GABRB1: variants seen among roughly 807,000 people sequenced by gnomAD.
GABRB1 encodes gamma-aminobutyric acid receptor subunit beta-1.
In GABRB1, 17 loss-of-function variants were observed where a neutral mutation model predicts 51.6. That is an observed-to-expected ratio of 0.33 (90% CI 0.23 to 0.49). The LOEUF (loss-of-function observed/expected upper bound fraction) is 0.49. Among genes scored for constraint, GABRB1 ranks in the 20% least tolerant of loss-of-function variants. The pLI is 0.99. For synonymous variants in GABRB1, 247 were observed against 218.9 expected (o/e 1.13, Z -1.14); for missense variants, 410 against 600.6 (o/e 0.68, Z 3.32).
In GABRB1 at chr4:47,321,044, T is replaced by G. The variant is rs1308837631; in HGVS notation, c.544+835T>G. 2.0e-5 allele frequency among the ~76,000 whole-genome samples: 3 copies of G among 152,224 alleles called. No homozygotes were observed. In the East Asian group the frequency reaches 5.8e-4, roughly 29 times the overall value. On this transcript the variant is annotated intron_variant, in intron 5 of 8. Coordinates refer to ENST00000295454, the MANE Select transcript of GABRB1 (RefSeq NM_000812.4). ...GAAGATTTAGTCTGATTGACTATCT[T>G]TTTGTGATTATTTCTCAGCCATCAG...
intron 5 of GABRB1, among the ~76,000 whole-genome samples, chr4:47,327,384 T>C (rs574768500): frequency 6.6e-6 from 1 of 151,898 alleles, no homozygotes; most frequent in Admixed American, 6.5e-5. Context: ...AAAAAAACTA[T>C]TTCAAAAATT....
At chr4:47,359,987 C>T (rs1008110991) in intron 5 of GABRB1, among the ~76,000 whole-genome samples, 3 of 151,958 alleles carry the variant, frequency 2.0e-5, no homozygotes, top group Non-Finnish European at 4.4e-5. Context: ...AAATGAATTT[C>T]TATTTTGTTT....
At chr4:47,185,416 C>T (rs966811222) in intron 4 of GABRB1, among the ~76,000 whole-genome samples, 7 of 151,826 alleles carry the variant, frequency 4.6e-5, no homozygotes, top group African/African-American at 1.7e-4. Flanking sequence ...TGCACCACAA[C>T]CCTACCATGG....
At chr4:47,189,696 C>G (rs192272887) in intron 4 of GABRB1, among the ~76,000 whole-genome samples, 1 of 151,816 alleles carries the variant, frequency 6.6e-6, no homozygotes, top group Non-Finnish European at 1.5e-5. Context: ...ACATTTTTAT[C>G]GACATGTTCA....
At chr4:47,083,805 T>G (rs1440620623) in intron 3 of GABRB1, among the ~76,000 whole-genome samples, 1 of 152,276 alleles carries the variant, frequency 6.6e-6, no homozygotes, top group South Asian at 2.1e-4. Context: ...TCAATAATTG[T>G]TCTGGATTTT....
chr4:47,243,319 G>A (rs34760614), intron 4 of GABRB1, among the ~76,000 whole-genome samples: 29 of 152,130 alleles, frequency 1.9e-4, no homozygotes, highest in Non-Finnish European at 3.2e-4. Context: ...GTCAGGTAGC[G>A]TGATGCCTCC....
intron 3 of GABRB1, among the ~76,000 whole-genome samples, chr4:47,135,475 A>G (rs1232786946): frequency 6.6e-6 from 1 of 152,178 alleles, no homozygotes; most frequent in African/African-American, 2.4e-5. Context: ...GTGTGCCAAA[A>G]GAAGAGACGC....
chr4:47,314,832 C>A (rs1724828944), intron 4 of GABRB1, among the ~76,000 whole-genome samples: 1 of 151,908 alleles, frequency 6.6e-6, no homozygotes, highest in Admixed American at 6.6e-5. Flanking sequence ...CCCTTATAAT[C>A]ACATCTTTTC....
chr4:47,288,554 G>A (rs1436148176), intron 4 of GABRB1, among the ~76,000 whole-genome samples: 2 of 152,090 alleles, frequency 1.3e-5, no homozygotes, highest in East Asian at 3.9e-4. Context: ...GAGCCACCAT[G>A]CCCAGCCAGG....
chr4:47,061,728 C>G (rs1449860362), intron 3 of GABRB1, among the ~76,000 whole-genome samples: 3 of 152,110 alleles, frequency 2.0e-5, no homozygotes, highest in Admixed American at 1.3e-4. Context: ...AAAGTAATTC[C>G]TCTGTGGGGG....
chr4:47,380,360 A>G (rs528167079), intron 5 of GABRB1, among the ~76,000 whole-genome samples: 1 of 152,340 alleles, frequency 6.6e-6, no homozygotes. Flanking sequence ...AATTCCCAGG[A>G]GCACTGACTG....
intron 4 of GABRB1, among the ~76,000 whole-genome samples, chr4:47,295,601 G>A (rs1270922250): frequency 6.6e-6 from 1 of 152,176 alleles, no homozygotes; most frequent in Non-Finnish European, 1.5e-5. Context: ...AGAAATATGG[G>A]ACTATGAGAA....
chr4:47,195,205 A>T (rs1420985923), intron 4 of GABRB1, among the ~76,000 whole-genome samples: 3 of 152,102 alleles, frequency 2.0e-5, no homozygotes, highest in Non-Finnish European at 4.4e-5. Context: ...TCTCTACTAA[A>T]AATACGAAAA....
chr4:47,277,318 T>C (rs973125694), intron 4 of GABRB1, among the ~76,000 whole-genome samples: 18 of 151,996 alleles, frequency 1.2e-4, no homozygotes, highest in Non-Finnish European at 2.1e-4. Context: ...TCAAAACATT[T>C]GAACTCATGG....
chr4:47,192,632 G>A (rs2109785205), intron 4 of GABRB1, among the ~76,000 whole-genome samples: 1 of 152,206 alleles, frequency 6.6e-6, no homozygotes, highest in Middle Eastern at 3.4e-3. Flanking sequence ...ATAAATGGTA[G>A]ATACTTTGGA....
At chr4:47,324,601 C>A (rs967519416) in intron 5 of GABRB1, among the ~76,000 whole-genome samples, 1 of 152,196 alleles carries the variant, frequency 6.6e-6, no homozygotes, top group Non-Finnish European at 1.5e-5. Flanking sequence ...ACCCACCTCC[C>A]GCCTCTGCTA....
intron 4 of GABRB1, among the ~76,000 whole-genome samples, chr4:47,262,582 T>A (rs888751738): frequency 6.6e-6 from 1 of 152,152 alleles, no homozygotes; most frequent in African/African-American, 2.4e-5. Context: ...AGGAACACTT[T>A]TACACTGTTG....
intron 5 of GABRB1, among the ~76,000 whole-genome samples, chr4:47,340,304 A>G (rs893973603): frequency 6.6e-6 from 1 of 152,078 alleles, no homozygotes; most frequent in African/African-American, 2.4e-5. Context: ...AATGCTCCCC[A>G]GTAAGTCTTT....
At chr4:47,149,820 A>C (rs1477812265) in intron 3 of GABRB1, among the ~76,000 whole-genome samples, 1 of 151,692 alleles carries the variant, frequency 6.6e-6, no homozygotes, top group Non-Finnish European at 1.5e-5. Flanking sequence ...TTTTTTTCTC[A>C]TTATGAAGTA....
Sources: gnomAD v4.1 joint callset for allele counts (sites outside exome capture counted in the v4.1 genomes callset) on GRCh38, gnomAD v4.1.1 for gene constraint, MANE v1.5 for transcripts, NCBI Gene and HGNC (gene_info 2026-07-23, HGNC 2026-07-21) for gene names.